HIPK2: variants seen among roughly 807,000 people sequenced by gnomAD.
The protein encoded by HIPK2 is homeodomain-interacting protein kinase 2.
A neutral mutation model predicts 113.7 loss-of-function variants in HIPK2; 27 were observed. The observed-to-expected ratio is 0.24, with a 90% CI of 0.17 to 0.33. The LOEUF (loss-of-function observed/expected upper bound fraction) is 0.33, where lower values mean the gene tolerates loss of function less well. HIPK2 is among the 10% of genes least tolerant of loss of function. The pLI, the probability that HIPK2 is intolerant of heterozygous loss-of-function variation, is 1.00. For synonymous variants in HIPK2, 631 were observed against 642.2 expected (o/e 0.98, Z 0.26); for missense variants, 1,257 against 1,588.0 (o/e 0.79, Z 3.54).
intron 2 of HIPK2, among the ~76,000 whole-genome samples, chr7:139,697,734 T>C (rs1257713801): frequency 1.3e-5 from 2 of 152,192 alleles, no homozygotes; most frequent in African/African-American, 4.8e-5. Context: ...CTCATAACGT[T>C]GTACAAACCA....
intron 13 of HIPK2, among the ~76,000 whole-genome samples, chr7:139,582,354 G>A (rs1798693940): frequency 1.3e-5 from 2 of 152,236 alleles, no homozygotes; most frequent in Non-Finnish European, 2.9e-5. Flanking sequence ...TGAAGGTAAG[G>A]TCTCCTTCTT....
chr7:139,619,567 G>C (rs1013933822), intron 7 of HIPK2, among the ~76,000 whole-genome samples: 1 of 152,132 alleles, frequency 6.6e-6, no homozygotes, highest in African/African-American at 2.4e-5. Flanking sequence ...CCAGCTGCTG[G>C]GATTCTGGTG....
intron 2 of HIPK2, among the ~76,000 whole-genome samples, chr7:139,660,755 A>G (rs2116549518): frequency 6.6e-6 from 1 of 152,312 alleles, no homozygotes; most frequent in Non-Finnish European, 1.5e-5. Context: ...GCCAGTCTAG[A>G]TACGTAACAA....
intron 1 of HIPK2, among the ~76,000 whole-genome samples, chr7:139,738,156 T>C (rs999985925): frequency 6.6e-6 from 1 of 152,204 alleles, no homozygotes; most frequent in Non-Finnish European, 1.5e-5. Context: ...AAGACCTCCA[T>C]TCTAAAAGGA....
In HIPK2 at chr7:139,716,903, G is replaced by A. The variant is rs373396292; in HGVS notation, c.132C>T (p.Tyr44=). 2.0e-5 allele frequency: 33 copies of A among 1,613,744 alleles called. No individual in the cohort carries two copies. The highest frequency in any genetic ancestry group is 1.3e-4 in the African/African-American group (10 of 74,898). ...GGCTATACACTTTGCTGTGGGAGCC[G>A]TACCCAGTCATGTCCCAGTTGGAAC... ...EPSSNWDMTG[Y]GSHSKVYSQS... is the part of the protein sequence containing the mutation. The change falls in exon 2 of 15, where the codon TAC becomes TAT. Residue 44 remains tyrosine, a synonymous_variant. Coordinates refer to ENST00000406875, the MANE Select transcript of HIPK2 (RefSeq NM_022740.5). The surrounding 1 kb of genome is among the most constrained non-coding windows in gnomAD (Gnocchi z 9.3).
In HIPK2 at chr7:139,604,127, C is replaced by T. The variant is rs1484828373; in HGVS notation, c.2209G>A (p.Val737Met). The T allele has an allele frequency of 2.5e-5, 41 of 1,613,860 alleles. No homozygotes were observed. The highest frequency in any genetic ancestry group is 8.9e-5 in the East Asian group (4 of 44,886). Residue 737 changes from valine (V) to methionine (M), a missense_variant, in exon 10 of 15, where the codon GTG becomes ATG. Val to Met is a conservative substitution (Grantham distance 21). Coordinates refer to ENST00000406875, the MANE Select transcript of HIPK2 (RefSeq NM_022740.5). Reference protein sequence around the residue: ...ATHTSVQHATVIPETMAGTQQ... With the variant: ...ATHTSVQHATMIPETMAGTQQ... Reference sequence around the variant, plus strand: ...GTGCCTGCCATGGTCTCGGGAATCACGGTGGCATGCTGCACTGATGTGTGG... The same window carrying T: ...GTGCCTGCCATGGTCTCGGGAATCATGGTGGCATGCTGCACTGATGTGTGG...
chr7:139,696,110 G>C (rs2116817816), intron 2 of HIPK2, among the ~76,000 whole-genome samples: 1 of 152,312 alleles, frequency 6.6e-6, no homozygotes, highest in African/African-American at 2.4e-5. Flanking sequence ...TACCCAGAAA[G>C]CCATTGATAA....
chr7:139,581,559 C>T (rs1165499112), intron 13 of HIPK2, among the ~76,000 whole-genome samples: 1 of 152,202 alleles, frequency 6.6e-6, no homozygotes, highest in Non-Finnish European at 1.5e-5. Flanking sequence ...GTGAGTATGG[C>T]GGGGAAACAG....
At chr7:139,703,109 G>A (rs1472054685) in intron 2 of HIPK2, among the ~76,000 whole-genome samples, 1 of 152,140 alleles carries the variant, frequency 6.6e-6, no homozygotes, top group Non-Finnish European at 1.5e-5. Flanking sequence ...AGAAAAATTA[G>A]GCATGGTACG....
At chr7:139,620,020 C>G in intron 7 of HIPK2, among the ~76,000 whole-genome samples, 1 of 152,158 alleles carries the variant, frequency 6.6e-6, no homozygotes, top group East Asian at 1.9e-4. Flanking sequence ...ACCCTGAACT[C>G]CCAAAGTGCT....
At chr7:139,719,535 T>C (rs1197772118) in intron 1 of HIPK2, among the ~76,000 whole-genome samples, 1 of 152,206 alleles carries the variant, frequency 6.6e-6, no homozygotes, top group African/African-American at 2.4e-5. Flanking sequence ...CAGGCTGGGC[T>C]CTCCCTCAGA....
chr7:139,654,917 C>T (rs780884226), intron 2 of HIPK2, among the ~76,000 whole-genome samples: 12 of 152,118 alleles, frequency 7.9e-5, no homozygotes, highest in Non-Finnish European at 1.6e-4. Context: ...GGGATTCCTG[C>T]GAGTGGGAGG....
chr7:139,583,666 A>G, intron 13 of HIPK2, 151 bp downstream of exon 13: 1 of 1,159,134 alleles, frequency 8.6e-7, no homozygotes, highest in Non-Finnish European at 1.2e-6. Context: ...CCTCCCCTGG[A>G]TACTTGAATA....
chr7:139,584,755 C>T (rs1798782031), intron 12 of HIPK2, among the ~76,000 whole-genome samples: 1 of 152,228 alleles, frequency 6.6e-6, no homozygotes, highest in African/African-American at 2.4e-5. Context: ...GCCAGGCTCA[C>T]CTGCAGCTTT....
At chr7:139,760,127 C>A (rs73475910) in intron 1 of HIPK2, among the ~76,000 whole-genome samples, 13 of 152,034 alleles carry the variant, frequency 8.6e-5, no homozygotes, top group African/African-American at 3.1e-4. Flanking sequence ...CTCAGCCTCC[C>A]GAGTAGCTGG....
intron 12 of HIPK2, among the ~76,000 whole-genome samples, chr7:139,585,394 C>T (rs1224075660): frequency 6.6e-6 from 1 of 152,240 alleles, no homozygotes; most frequent in Non-Finnish European, 1.5e-5. Flanking sequence ...GTGCAGTCCC[C>T]AGGAGGCGCT....
At chr7:139,692,436 T>C (rs1428005581) in intron 2 of HIPK2, among the ~76,000 whole-genome samples, 1 of 152,168 alleles carries the variant, frequency 6.6e-6, no homozygotes, top group African/African-American at 2.4e-5. Context: ...CTGTATACCC[T>C]GCACTATGTT....
Position 139,721,993 on chromosome 7 carries a change from C to A in HIPK2, c.20-4978G>T, listed in dbSNP as rs144371918. 11 of 453,878 alleles carry A rather than the reference C, an allele frequency of 2.4e-5. No homozygotes were observed. The East Asian group carries it at 7.1e-4, about 29-fold the overall frequency. The allele number at this position is 453,878 out of a possible 1,614,324, so 28.1% of individuals were successfully genotyped here. ...CATAACCTAGAACTAAAGCTTTTAA[C>A]AAGTAGCATGCCTATTACCATACCA... On this transcript the variant is annotated intron_variant, in intron 1 of 14. Transcript: ENST00000406875.
At chr7:139,573,704 A>T (rs1798392282) in intron 14 of HIPK2, among the ~76,000 whole-genome samples, 1 of 152,010 alleles carries the variant, frequency 6.6e-6, no homozygotes, top group Non-Finnish European at 1.5e-5. Flanking sequence ...TTAGCCGGGC[A>T]TGGTGGCACG....
Sources: allele counts gnomAD v4.1 joint callset (sites outside exome capture counted in the v4.1 genomes callset), GRCh38; gene constraint gnomAD v4.1.1; non-coding constraint Gnocchi (gnomAD v3.1); transcripts MANE v1.5; gene names NCBI Gene and HGNC (gene_info 2026-07-23, HGNC 2026-07-21).